NRXN1: variants seen among roughly 807,000 people sequenced by gnomAD.
The protein encoded by NRXN1 is neurexin 1, also known as neurexin-1.
In NRXN1, 39 loss-of-function variants were observed where a neutral mutation model predicts 150.9. The ratio of observed to expected loss-of-function variants is 0.26; its 90% CI spans 0.20 to 0.34. The LOEUF (loss-of-function observed/expected upper bound fraction) is 0.34. NRXN1 is among the 10% of genes least tolerant of loss of function. The pLI, the probability that NRXN1 is intolerant of heterozygous loss-of-function variation, is 1.00. For synonymous variants in NRXN1, 924 were observed against 757.0 expected, an observed-to-expected ratio of 1.22 and a Z score of -3.62; for missense variants, 1,815 against 1,949.9, an observed-to-expected ratio of 0.93 and a Z score of 1.30.
chr2:50,523,127 TA>T (rs1340752365), intron 12 of NRXN1, among the ~76,000 whole-genome samples: 15 of 111,160 alleles, frequency 1.3e-4, no homozygotes, highest in African/African-American at 5.0e-4. Context: ...GTTCATTCTT[TA>T]CATTTTACAT....
intron 2 of NRXN1, among the ~76,000 whole-genome samples, chr2:50,987,470 C>T (rs1014360155): frequency 4.6e-5 from 7 of 151,784 alleles, no homozygotes; most frequent in Non-Finnish European, 1.5e-5. Flanking sequence ...ATATTTTGAA[C>T]AATTAATGCT....
chr2:50,865,618 TAGCACCTGGCACACA>T, intron 5 of NRXN1, among the ~76,000 whole-genome samples: 1 of 110,920 alleles, frequency 9.0e-6, no homozygotes, highest in South Asian at 2.7e-4. Context: ...GTGTGTGTAG[TAGCACCTGGCACACA>T]GTAATTCCCA....
At chr2:50,675,992 T>C (rs1331529050) in intron 5 of NRXN1, among the ~76,000 whole-genome samples, 1 of 152,142 alleles carries the variant, frequency 6.6e-6, no homozygotes, top group Non-Finnish European at 1.5e-5. Flanking sequence ...GCAATTTGAC[T>C]CATGTAAAAG....
At chr2:50,307,214 C>T (rs549008200) in intron 17 of NRXN1, among the ~76,000 whole-genome samples, 2 of 152,138 alleles carry the variant, frequency 1.3e-5, no homozygotes, top group Non-Finnish European at 2.9e-5. Context: ...GAACTCCTGA[C>T]CTCGTGATTC....
chr2:50,951,961 A>AT (rs1312943065), intron 2 of NRXN1, among the ~76,000 whole-genome samples: 1,124 of 82,520 alleles, frequency 0.014, 13 homozygotes, highest in East Asian at 0.019. Context: ...ATATATATAT[A>AT]TATTTTTTTT....
intron 9 of NRXN1, among the ~76,000 whole-genome samples, chr2:50,540,491 A>G (rs990625411): frequency 6.6e-6 from 1 of 152,208 alleles, no homozygotes; most frequent in Admixed American, 6.5e-5. Context: ...CCTATTCAAA[A>G]TACCTAAGAA....
At chr2:50,291,225 T>A (rs537271015) in intron 17 of NRXN1, among the ~76,000 whole-genome samples, 1 of 150,800 alleles carries the variant, frequency 6.6e-6, no homozygotes, top group South Asian at 2.1e-4. Flanking sequence ...ACTGAACAGT[T>A]TCAACAAATA....
intron 3 of NRXN1, among the ~76,000 whole-genome samples, chr2:50,924,298 G>T (rs566284608): frequency 1.3e-5 from 2 of 151,590 alleles, no homozygotes; most frequent in South Asian, 2.1e-4. Context: ...TACTGTAAAG[G>T]TCATATTATA....
In NRXN1 at chr2:50,768,473, T is replaced by C. The variant is rs866397380; in HGVS notation, c.833-144858A>G. On this transcript the variant is annotated intron_variant, in intron 5 of 22. Transcript: ENST00000401669. ...ACAGGTGTGCACCCTGATGATTTTT[T>C]TTTTTTTAATTTTAGTAGAGATGAG... Among the ~76,000 whole-genome samples the C allele has an allele frequency of 2.6e-5, 4 of 151,876 alleles. No homozygotes were observed. The South Asian group carries it at 8.3e-4, about 31-fold the overall frequency.
chr2:50,005,879 A>G (rs1016014162), intron 21 of NRXN1, among the ~76,000 whole-genome samples: 1 of 152,100 alleles, frequency 6.6e-6, no homozygotes, highest in African/African-American at 2.4e-5. Context: ...CTGCCCTTTT[A>G]ATGTTAGCAT....
At chr2:49,933,220 G>A (rs1478666432) in intron 22 of NRXN1, among the ~76,000 whole-genome samples, 8 of 152,026 alleles carry the variant, frequency 5.3e-5, no homozygotes, top group African/African-American at 1.7e-4. Context: ...CCAAGTAGCT[G>A]GGACTACACG....
chr2:50,334,194 T>TTTTATAC (rs200652824), intron 17 of NRXN1, among the ~76,000 whole-genome samples: 8 of 86,130 alleles, frequency 9.3e-5, no homozygotes, highest in African/African-American at 4.2e-4. Flanking sequence ...CAGGACCAAA[T>TTTTATAC]ATATATATAT....
chr2:50,560,466 C>T (rs547786895), intron 8 of NRXN1, among the ~76,000 whole-genome samples: 21 of 86,142 alleles, frequency 2.4e-4, no homozygotes, highest in East Asian at 6.3e-4. Context: ...ACTTAGAAGC[C>T]GTCTCACTCC....
chr2:50,331,232 C>G (rs1240907907), intron 17 of NRXN1, among the ~76,000 whole-genome samples: 1 of 152,014 alleles, frequency 6.6e-6, no homozygotes, highest in Non-Finnish European at 1.5e-5. Flanking sequence ...AAAGCTGCAT[C>G]AAAGCTTTCT....
At chr2:50,695,333 A>C (rs1692671482) in intron 5 of NRXN1, among the ~76,000 whole-genome samples, 1 of 152,202 alleles carries the variant, frequency 6.6e-6, no homozygotes, top group African/African-American at 2.4e-5. Context: ...GCCCAGCATC[A>C]AGCTTTGCTA....
intron 5 of NRXN1, among the ~76,000 whole-genome samples, chr2:50,872,797 TA>T (rs2106107636): frequency 6.6e-6 from 1 of 151,484 alleles, no homozygotes; most frequent in East Asian, 2.0e-4. Context: ...TACAAAAGAA[TA>T]AAAAATAAAA....
intron 17 of NRXN1, among the ~76,000 whole-genome samples, chr2:50,409,277 T>C (rs533645931): frequency 6.6e-6 from 1 of 152,342 alleles, no homozygotes; most frequent in African/African-American, 2.4e-5. Context: ...CCCTTCGAGT[T>C]TGAAGTCTTT....
chr2:50,399,318 T>G (rs1354476608), intron 17 of NRXN1, among the ~76,000 whole-genome samples: 3 of 152,120 alleles, frequency 2.0e-5, no homozygotes, highest in Non-Finnish European at 2.9e-5. Flanking sequence ...ATTTTTTACT[T>G]TTCCATTCTT....
intron 17 of NRXN1, among the ~76,000 whole-genome samples, chr2:50,267,764 T>A (rs770255920): frequency 3.9e-5 from 6 of 152,198 alleles, no homozygotes; most frequent in Non-Finnish European, 7.3e-5. Flanking sequence ...GTATAAATAA[T>A]GCTCACATTT....
Sources: gnomAD v4.1 joint callset for allele counts (sites outside exome capture counted in the v4.1 genomes callset) on GRCh38, gnomAD v4.1.1 for gene constraint, MANE v1.5 for transcripts, NCBI Gene and HGNC (gene_info 2026-07-23, HGNC 2026-07-21) for gene names.